Variants in SLC25A25 observed in about 807,000 individuals in gnomAD.
SLC25A25 encodes the protein solute carrier family 25 member 25.
A neutral mutation model predicts 57.7 loss-of-function variants in SLC25A25; 32 were observed. The observed-to-expected ratio is 0.55, with a 90% CI of 0.42 to 0.74. The LOEUF (loss-of-function observed/expected upper bound fraction) is 0.74, where lower values mean the gene tolerates loss of function less well. SLC25A25 is among the 30% of genes least tolerant of loss of function. SLC25A25 has a pLI of 0.00. For missense variants in SLC25A25, 556 were observed against 701.3 expected (o/e 0.79, Z 2.34); for synonymous variants, 306 against 291.2 (o/e 1.05, Z -0.52).
rs138358914 is a variant in SLC25A25, at chr9:128,079,685, G to A, written c.261+11105G>A. On this transcript the variant is annotated intron_variant, in intron 1 of 10. Transcript: ENST00000373069. Reference sequence around the variant, plus strand: ...CCAGCTACTGGGGAGGCTGAGGTAGGAGAATTGCTTAAAAAACCCAGGAGG... The same window carrying A: ...CCAGCTACTGGGGAGGCTGAGGTAGAAGAATTGCTTAAAAAACCCAGGAGG... Among the ~76,000 whole-genome samples the A allele has an allele frequency of 4.5e-3, 678 of 151,258 alleles. 7 individuals carry two copies. Among genetic ancestry groups the A allele is most frequent in the African/African-American group, 0.016 (654 of 41,030 alleles).
chr9:128,073,286 G>T (rs1221507500), intron 1 of SLC25A25, among the ~76,000 whole-genome samples: 1 of 152,152 alleles, frequency 6.6e-6, no homozygotes. Context: ...GAGGAGGAGA[G>T]ATAATTTAGA....
intron 1 of SLC25A25, among the ~76,000 whole-genome samples, chr9:128,075,299 CCT>C (rs10547739): frequency 0.24 from 36,205 of 151,572 alleles, 5,509 homozygotes; most frequent in African/African-American, 0.43. Flanking sequence ...AGAACAAGAC[CCT>C]GTCTCAAAAT....
chr9:128,105,160 T>G (rs1833969288), intron 6 of SLC25A25, among the ~76,000 whole-genome samples: 1 of 5,328 alleles, frequency 1.9e-4, no homozygotes, highest in Non-Finnish European at 5.3e-4. Flanking sequence ...CTCCCGGCCT[T>G]TTTTTTTTTT....
intron 7 of SLC25A25, 69 bp downstream of exon 7, chr9:128,105,950 C>G (rs1834013391): frequency 1.3e-6 from 2 of 1,581,476 alleles, no homozygotes; most frequent in Non-Finnish European, 1.7e-6. Flanking sequence ...GCTGGCTTTC[C>G]CTGGGCTGAG....
chr9:128,106,952 G>A (rs1834066387), intron 9 of SLC25A25, 77 bp from the exon 10 acceptor site: 2 of 1,535,426 alleles, frequency 1.3e-6, no homozygotes, highest in South Asian at 2.4e-5. Flanking sequence ...GTGGCCTGAG[G>A]ACCCAGTAAC....
intron 1 of SLC25A25, among the ~76,000 whole-genome samples, chr9:128,094,018 C>T (rs1246542418): frequency 6.6e-6 from 1 of 151,960 alleles, no homozygotes; most frequent in Non-Finnish European, 1.5e-5. Context: ...CGTGGTGGTG[C>T]GTGCCTGTAC....
chr9:128,102,685 C>T lies in SLC25A25; in HGVS notation c.624+204C>T, dbSNP rs1445011095. 6.6e-6 allele frequency among the ~76,000 whole-genome samples: 1 copy of T among 152,226 alleles called. No individual in the cohort carries two copies. The highest frequency in any genetic ancestry group is 1.5e-5 in the Non-Finnish European group (1 of 68,032). Reference sequence around the variant, plus strand: ...CTCCAGCCAACCTGAACAGCCCCATCGTTCACACACACAGGCTTCCTCTTC... The same window carrying T: ...CTCCAGCCAACCTGAACAGCCCCATTGTTCACACACACAGGCTTCCTCTTC... On this transcript the variant is annotated intron_variant, in intron 5 of 10. Coordinates refer to ENST00000373069, the MANE Select transcript of SLC25A25 (RefSeq NM_001330988.2). The surrounding 1 kb of genome is among the most constrained non-coding windows in gnomAD (Gnocchi z 4.1).
chr9:128,091,462 G>A (rs1005917028), intron 1 of SLC25A25: 96 of 986,326 alleles, frequency 9.7e-5, no homozygotes, highest in Non-Finnish European at 1.1e-4. Context: ...CTTGGGTGAT[G>A]AGCGAGGACA....
Position 128,102,387 on chromosome 9 carries a change from C to G in SLC25A25, c.530C>G (p.Thr177Arg). The G allele has an allele frequency of 6.2e-7, 1 of 1,613,938 alleles. No homozygotes were observed. ...GPVTYMDKNG[T>R]MTIDWNEWRD... ...TCTTGCAGCATGGATAAAAACGGCACGATGACCATTGACTGGAACGAGTGG... is the reference window on the plus strand; with the variant it reads ...TCTTGCAGCATGGATAAAAACGGCAGGATGACCATTGACTGGAACGAGTGG... The change falls in exon 5 of 11, where the codon ACG becomes AGG. Residue 177 changes from threonine (T) to arginine (R), a missense_variant. Physicochemically the swap from Thr to Arg is moderately conservative, Grantham distance 71 (BLOSUM62 -1). Around this residue, in one of 3 missense-constraint regions of SLC25A25, gnomAD observed 248 missense variants for 273.5 expected, o/e 0.91. Transcript: ENST00000373069. This position sits in a 1 kb window ranked among gnomAD's most constrained non-coding sequence, Gnocchi z 4.1.
intron 1 of SLC25A25, among the ~76,000 whole-genome samples, chr9:128,079,712 G>A (rs1300455535): frequency 5.0e-4 from 76 of 151,826 alleles, no homozygotes; most frequent in Non-Finnish European, 1.2e-4. Flanking sequence ...CCCAGGAGGG[G>A]CCAGGCGCGG....
intron 1 of SLC25A25, among the ~76,000 whole-genome samples, chr9:128,094,107 C>T (rs554309597): frequency 1.3e-4 from 20 of 152,204 alleles, no homozygotes; most frequent in Admixed American, 3.3e-4. Context: ...AAGATTGTGC[C>T]GCTGTACTCC....
Position 128,102,050 on chromosome 9 carries a change from TCTC to T in SLC25A25, c.477-25_477-23del, listed in dbSNP as rs1259239382. On this transcript the variant is annotated intron_variant, in intron 3 of 10. Transcript: ENST00000373069. This position sits in a 1 kb window ranked among gnomAD's most constrained non-coding sequence, Gnocchi z 4.1. ...GCACTTATGCGTGTTGTTTCTGCTC[TCTC>T]CTCCGCATCCTTTGTCTGTCTGTCA... 23 of 1,550,516 alleles carry T rather than the reference TCTC, an allele frequency of 1.5e-5. No individual in the cohort carries two copies. The highest frequency in any genetic ancestry group is 7.8e-5 in the Admixed American group (4 of 51,000).
intron 1 of SLC25A25, chr9:128,098,689 C>CTGGGAGGGG (rs771720766): frequency 2.2e-5 from 35 of 1,614,048 alleles, no homozygotes; most frequent in Non-Finnish European, 4.2e-6. Flanking sequence ...TCTTCATCCC[C>CTGGGAGGGG]TCCCAGGAAT....
rs534530695 is a variant in SLC25A25 at position 128,074,641 on chromosome 9, G to A, written c.261+6061G>A. 1.1e-4 allele frequency among the ~76,000 whole-genome samples: 16 copies of A among 152,188 alleles called. No homozygotes were observed. In the South Asian group the frequency reaches 2.9e-3, roughly 28 times the overall value. The stretch of plus-strand genomic sequence containing the variant: ...GGAGAATTGCTTGATCCCAGGAGAC[G>A]GAGGTTGCAGTGAGCTGAGATCGTG... On this transcript the variant is annotated intron_variant, in intron 1 of 10. Coordinates refer to ENST00000373069, the MANE Select transcript of SLC25A25 (RefSeq NM_001330988.2).
At chr9:128,072,601 A>T (rs1832930584) in intron 1 of SLC25A25, among the ~76,000 whole-genome samples, 1 of 152,198 alleles carries the variant, frequency 6.6e-6, no homozygotes, top group East Asian at 1.9e-4. Flanking sequence ...CACTCATAAA[A>T]ATTGCTTAAA....
In SLC25A25 at chr9:128,102,621, G is replaced by A. The variant is rs1405961435; in HGVS notation, c.624+140G>A. 3.1e-6 allele frequency: 2 copies of A among 655,708 alleles called. No individual in the cohort carries two copies. The highest frequency in any genetic ancestry group is 5.2e-6 in the Non-Finnish European group (2 of 382,432). The allele number at this position is 655,708 out of a possible 1,614,324, so 40.6% of individuals were successfully genotyped here. On this transcript the variant is annotated intron_variant, in intron 5 of 10. Coordinates refer to ENST00000373069, the MANE Select transcript of SLC25A25 (RefSeq NM_001330988.2). This position sits in a 1 kb window ranked among gnomAD's most constrained non-coding sequence, Gnocchi z 4.1. The stretch of plus-strand genomic sequence containing the variant: ...CAGGAGACTGTCCCCTCTTCTGCCA[G>A]CCCAGTAGAGCTGTCCGCATGTTCC...
chr9:128,091,899 C>T (rs1407845421), intron 1 of SLC25A25: 3 of 1,611,634 alleles, frequency 1.9e-6, no homozygotes, highest in Non-Finnish European at 2.5e-6. Context: ...CATTTCCTAG[C>T]TAGCTTTTTC....
intron 1 of SLC25A25, among the ~76,000 whole-genome samples, chr9:128,069,046 A>G (rs373957192): frequency 2.0e-5 from 3 of 151,966 alleles, no homozygotes; most frequent in Admixed American, 6.6e-5. Context: ...AAAAATTGGT[A>G]TTGGGGTTTC....
At chr9:128,097,228 T>G (rs982816012) in intron 1 of SLC25A25, among the ~76,000 whole-genome samples, 3 of 152,234 alleles carry the variant, frequency 2.0e-5, no homozygotes, top group Middle Eastern at 3.4e-3. Flanking sequence ...CTTGGTGACG[T>G]GGTCTCTTCC....
Sources: gnomAD v4.1 joint callset for allele counts (sites outside exome capture counted in the v4.1 genomes callset) on GRCh38, gnomAD v4.1.1 for gene constraint, gnomAD v4.1.1 regional missense constraint, Gnocchi (gnomAD v3.1) non-coding constraint, MANE v1.5 for transcripts, NCBI Gene and HGNC (gene_info 2026-07-23, HGNC 2026-07-21) for gene names.